The following NMD3 variants were observed in gnomAD, a reference collection of about 807,000 sequenced individuals.
NMD3 encodes the protein 60S ribosomal export protein NMD3.
A neutral mutation model predicts 73.1 loss-of-function variants in NMD3; 47 were observed. The ratio of observed to expected loss-of-function variants is 0.64; its 90% CI spans 0.51 to 0.82. The LOEUF is 0.82. Among genes scored for constraint, NMD3 ranks in the 40% least tolerant of loss-of-function variants. NMD3 has a pLI of 0.00. For missense variants in NMD3, 554 were observed against 612.5 expected, an observed-to-expected ratio of 0.90 and a Z score of 1.01; for synonymous variants, 210 against 194.5, an observed-to-expected ratio of 1.08 and a Z score of -0.66.
At chr3:161,226,342 T>C (rs1736314365) in intron 3 of NMD3, among the ~76,000 whole-genome samples, 1 of 151,424 alleles carries the variant, frequency 6.6e-6, no homozygotes, top group Admixed American at 6.6e-5. Flanking sequence ...TAATCCTAGC[T>C]ACTCGAGAGG....
chr3:161,232,669 A>C (rs967896075), intron 4 of NMD3, among the ~76,000 whole-genome samples: 1 of 152,094 alleles, frequency 6.6e-6, no homozygotes, highest in Admixed American at 6.5e-5. Flanking sequence ...TTTCTGCATC[A>C]CTTGGACTGT....
At chr3:161,244,969 G>A (rs1435415954) in intron 11 of NMD3, among the ~76,000 whole-genome samples, 1 of 151,880 alleles carries the variant, frequency 6.6e-6, no homozygotes, top group Admixed American at 6.6e-5. Flanking sequence ...TTGTTTTGAC[G>A]TGACTCTCCT....
Position 161,235,171 on chromosome 3 carries a change from A to G in NMD3, c.536A>G (p.Tyr179Cys), listed in dbSNP as rs778928364. ...FYYLEQLILK[Y>C]GMHQNTLRIK... is the part of the protein sequence containing the mutation. Reference sequence around the variant, plus strand: ...TATCTGGAACAGTTAATTCTGAAATATGGAATGCATCAGAATACACTTCGT... The same window carrying G: ...TATCTGGAACAGTTAATTCTGAAATGTGGAATGCATCAGAATACACTTCGT... The change falls in exon 7 of 16, where the codon TAT (tyrosine) becomes TGT (cysteine). Residue 179 changes from tyrosine (Y) to cysteine (C), a missense_variant. Tyr to Cys is a radical substitution (Grantham distance 194). Transcript: ENST00000351193. 7 of 1,558,118 alleles carry G rather than the reference A, an allele frequency of 4.5e-6. No homozygotes were observed. The highest frequency in any genetic ancestry group is 6.1e-6 in the Non-Finnish European group (7 of 1,138,828).
chr3:161,241,323 C>T (rs1331385434), intron 10 of NMD3, among the ~76,000 whole-genome samples, 160 bp downstream of exon 10: 1 of 151,390 alleles, frequency 6.6e-6, no homozygotes, highest in African/African-American at 2.4e-5. Context: ...AATTTGCAAG[C>T]TTTGATTAGT....
chr3:161,226,964 C>T (rs1302476835), intron 3 of NMD3, among the ~76,000 whole-genome samples: 1 of 152,042 alleles, frequency 6.6e-6, no homozygotes, highest in Non-Finnish European at 1.5e-5. Context: ...CTTTAAGAGA[C>T]TCTTGGACAT....
chr3:161,252,745 C>A, downstream of NMD3: 5 of 666,542 alleles, frequency 7.5e-6, no homozygotes, highest in South Asian at 8.1e-5. Context: ...ATTTACAAGT[C>A]ATTATGACCA....
At chr3:161,247,222 A>T (rs1418805561) in intron 12 of NMD3, 36 bp from the exon 13 acceptor site, 33 of 1,380,616 alleles carry the variant, frequency 2.4e-5, no homozygotes, top group Non-Finnish European at 3.3e-5. Context: ...CACAAAGGGT[A>T]AATGGTCACT....
chr3:161,228,195 C>T lies in NMD3; in HGVS notation c.276+852C>T, dbSNP rs190321729. Among the ~76,000 whole-genome samples, 73 of 152,224 alleles carry T rather than the reference C, an allele frequency of 4.8e-4. 1 individual carries two copies. Among genetic ancestry groups the T allele is most frequent in the Non-Finnish European group, 7.2e-4 (49 of 68,006 alleles). On this transcript the variant is annotated intron_variant, in intron 4 of 15. Coordinates refer to ENST00000351193, the MANE Select transcript of NMD3 (RefSeq NM_015938.5). ...TGTTTTTAATTGAAATTGACTCTTTCAGATTGAAGACTTTTCTGATTCTCC... is the reference window on the plus strand; with the variant it reads ...TGTTTTTAATTGAAATTGACTCTTTTAGATTGAAGACTTTTCTGATTCTCC...
chr3:161,224,849 TTTTG>T (rs796178945), intron 2 of NMD3, 77 bp from the exon 3 acceptor site: 23 of 1,382,030 alleles, frequency 1.7e-5, no homozygotes, highest in Middle Eastern at 1.9e-4. Flanking sequence ...ACTTGAAGGC[TTTTG>T]TTTGTTTGGC....
chr3:161,235,276 TC>T, intron 7 of NMD3, 64 bp downstream of exon 7: 1 of 768,356 alleles, frequency 1.3e-6, no homozygotes, highest in Non-Finnish European at 2.2e-6. Flanking sequence ...ACCTAAGTAA[TC>T]TTATATTTAC....
intron 10 of NMD3, among the ~76,000 whole-genome samples, 190 bp from the exon 11 acceptor site, chr3:161,242,316 ATT>A (rs1271773587): frequency 6.6e-6 from 1 of 151,998 alleles, no homozygotes; most frequent in East Asian, 1.9e-4. Context: ...CATCTGATAT[ATT>A]TTTCTTGTGC....
chr3:161,242,862 C>G (rs535229087), intron 11 of NMD3, among the ~76,000 whole-genome samples: 37 of 151,022 alleles, frequency 2.4e-4, no homozygotes, highest in African/African-American at 8.3e-4. Context: ...TTAATTTATT[C>G]TCTTTTGTGT....
Position 161,250,954 on chromosome 3 carries a change from G to T in NMD3, c.*44G>T. On this transcript the variant is annotated 3_prime_UTR_variant, in exon 16 of 16. Coordinates refer to ENST00000351193, the MANE Select transcript of NMD3 (RefSeq NM_015938.5). ...TTCCATACATGGGCTTAAGAAGTTG[G>T]ACAGAGTTACCTTAAGTGTCTCTAC... 6.4e-7 allele frequency: 1 copy of T among 1,560,902 alleles called. No homozygotes were observed. Among genetic ancestry groups the T allele is most frequent in the South Asian group, 1.1e-5 (1 of 87,328 alleles).
At chr3:161,227,196 T>G (rs1410766619) in intron 3 of NMD3, 51 bp from the exon 4 acceptor site, 2 of 1,200,774 alleles carry the variant, frequency 1.7e-6, no homozygotes, top group Non-Finnish European at 2.4e-6. Flanking sequence ...GATGGAAATT[T>G]CTGTGTTTCC....
chr3:161,239,419 G>T (rs1279345566), intron 9 of NMD3, among the ~76,000 whole-genome samples: 1 of 152,118 alleles, frequency 6.6e-6, no homozygotes, highest in Non-Finnish European at 1.5e-5. Context: ...ACTGAGGATT[G>T]TATAACTACA....
intron 7 of NMD3, among the ~76,000 whole-genome samples, chr3:161,235,507 A>G (rs1317995422): frequency 2.6e-5 from 4 of 152,112 alleles, no homozygotes; most frequent in Non-Finnish European, 5.9e-5. Flanking sequence ...CCTAAGTATG[A>G]TATTTCTTGA....
In NMD3 at chr3:161,250,870, A is replaced by C. The variant is rs772068967; in HGVS notation, c.1472A>C (p.Gln491Pro). The C allele has an allele frequency of 4.7e-5, 75 of 1,612,836 alleles. No homozygotes were observed. The highest frequency in any genetic ancestry group is 1.7e-4 in the Middle Eastern group (1 of 6,052). ...AEMLEDLHIS[Q>P]DATGEEGASM... ...ATGCTTGAAGACCTTCATATTTCCCAAGATGCCACTGGTGAAGAAGGTGCA... is the reference window on the plus strand; with the variant it reads ...ATGCTTGAAGACCTTCATATTTCCCCAGATGCCACTGGTGAAGAAGGTGCA... Residue 491 changes from glutamine to proline, a missense_variant, in exon 16 of 16, where the codon CAA (glutamine) becomes CCA (proline). Transcript: ENST00000351193.
chr3:161,252,852 A>C (rs997161532), downstream of NMD3: 8 of 691,258 alleles, frequency 1.2e-5, no homozygotes, highest in Non-Finnish European at 2.1e-5. Context: ...TAATCCCAGC[A>C]CTTTGGGAGG....
At chr3:161,248,394 G>A (rs1368850378) in intron 13 of NMD3, among the ~76,000 whole-genome samples, 11 of 152,010 alleles carry the variant, frequency 7.2e-5, no homozygotes, top group Admixed American at 7.2e-4. Context: ...GGAGGCTGAG[G>A]CAGGAGAATT....
Sources: gnomAD v4.1 joint callset for allele counts (sites outside exome capture counted in the v4.1 genomes callset) on GRCh38, gnomAD v4.1.1 for gene constraint, MANE v1.5 for transcripts, NCBI Gene and HGNC (gene_info 2026-07-23, HGNC 2026-07-21) for gene names.